CYRIA: variants seen among roughly 807,000 people sequenced by gnomAD.
CYRIA encodes CYFIP related Rac1 interactor A.
In CYRIA, 15 loss-of-function variants were observed where a neutral mutation model predicts 43.9. The observed-to-expected ratio is 0.34, with a 90% CI of 0.23 to 0.53. The LOEUF (loss-of-function observed/expected upper bound fraction) is 0.53, where lower values mean the gene tolerates loss of function less well. Among genes scored for constraint, CYRIA ranks in the 20% least tolerant of loss-of-function variants. The pLI is 0.94. For synonymous variants in CYRIA, 117 were observed against 136.0 expected (o/e 0.86, Z 0.97); for missense variants, 236 against 394.2 (o/e 0.60, Z 3.40).
chr2:16,636,318 G>A (rs1433406409), intron 1 of CYRIA, among the ~76,000 whole-genome samples: 2 of 152,176 alleles, frequency 1.3e-5, no homozygotes, highest in African/African-American at 4.8e-5. Context: ...AGGGCCCAGA[G>A]CTAATTCGAG....
chr2:16,644,190 G>A (rs1400711543), intron 1 of CYRIA, among the ~76,000 whole-genome samples: 1 of 152,238 alleles, frequency 6.6e-6, no homozygotes, highest in Non-Finnish European at 1.5e-5. Flanking sequence ...CTCCTGCAAT[G>A]ACACAGCTAG....
chr2:16,638,656 G>C (rs1669576817), intron 1 of CYRIA, among the ~76,000 whole-genome samples: 1 of 152,184 alleles, frequency 6.6e-6, no homozygotes, highest in African/African-American at 2.4e-5. Flanking sequence ...GGGCTGGGCG[G>C]ACCACAGAGG....
At chr2:16,638,155 C>T (rs1334262351) in intron 1 of CYRIA, among the ~76,000 whole-genome samples, 6 of 152,106 alleles carry the variant, frequency 3.9e-5, no homozygotes, top group African/African-American at 1.2e-4. Context: ...GACAGAGGAG[C>T]AGTAAGAAGG....
At chr2:16,632,689 G>A (rs892861301) in intron 1 of CYRIA, among the ~76,000 whole-genome samples, 3 of 152,174 alleles carry the variant, frequency 2.0e-5, no homozygotes, top group African/African-American at 7.2e-5. Flanking sequence ...GCGGGAGAGA[G>A]TCAGAGTCCA....
At chr2:16,634,056 T>G (rs74841009) in intron 1 of CYRIA, among the ~76,000 whole-genome samples, 1 of 152,124 alleles carries the variant, frequency 6.6e-6, no homozygotes, top group African/African-American at 2.4e-5. Context: ...TAGGAGCACA[T>G]GACACTGAGT....
chr2:16,563,479 C>G (rs948775363), intron 5 of CYRIA, among the ~76,000 whole-genome samples: 1 of 152,178 alleles, frequency 6.6e-6, no homozygotes, highest in Admixed American at 6.5e-5. Flanking sequence ...TGTCATATTG[C>G]TGGTCACATT....
intron 1 of CYRIA, among the ~76,000 whole-genome samples, chr2:16,655,676 G>A (rs901807785): frequency 1.3e-5 from 2 of 152,172 alleles, no homozygotes; most frequent in African/African-American, 4.8e-5. Flanking sequence ...GACAGCTGCA[G>A]CACAGCTTCT....
chr2:16,626,775 G>T (rs1421036545), intron 1 of CYRIA, among the ~76,000 whole-genome samples: 1 of 152,156 alleles, frequency 6.6e-6, no homozygotes, highest in Non-Finnish European at 1.5e-5. Flanking sequence ...GCATGCATTT[G>T]CTCCCATCCA....
At chr2:16,589,154 A>C (rs1318148632) in intron 2 of CYRIA, among the ~76,000 whole-genome samples, 3 of 152,130 alleles carry the variant, frequency 2.0e-5, no homozygotes, top group Non-Finnish European at 2.9e-5. Flanking sequence ...CTCTGCTGTA[A>C]GTGAACTCTT....
At chr2:16,578,068 G>A (rs1667413769) in intron 3 of CYRIA, among the ~76,000 whole-genome samples, 2 of 152,234 alleles carry the variant, frequency 1.3e-5, no homozygotes, top group South Asian at 2.1e-4. Flanking sequence ...TGAGAATCAG[G>A]TGTTCTGGAG....
intron 10 of CYRIA, among the ~76,000 whole-genome samples, chr2:16,555,978 CGTAATTTGGGAA>C (rs1666496443): frequency 6.6e-6 from 1 of 152,010 alleles, no homozygotes; most frequent in Non-Finnish European, 1.5e-5. Flanking sequence ...ATAGTTGACC[CGTAATTTGGGAA>C]GTGCATGGAA....
rs112783356 is a variant in CYRIA at position 16,558,789 on chromosome 2, C to T, written c.837+671G>A. Among the ~76,000 whole-genome samples the T allele has an allele frequency of 2.6e-5, 4 of 152,020 alleles. 1 individual carries two copies. The highest frequency in any genetic ancestry group is 7.2e-5 in the African/African-American group (3 of 41,404). On this transcript the variant is annotated intron_variant, in intron 10 of 11. Transcript: ENST00000381323. ...GAGGTATATAGATTATGGTCCCTGT[C>T]CTTGTCAAGAAATTGTCTGTGAGGG... is the stretch of plus-strand genomic sequence containing the variant.
At chr2:16,654,584 A>C (rs1670056037) in intron 1 of CYRIA, among the ~76,000 whole-genome samples, 1 of 152,240 alleles carries the variant, frequency 6.6e-6, no homozygotes, top group African/African-American at 2.4e-5. Context: ...GCCGACTTCA[A>C]CCAAATCCTG....
At chr2:16,561,410 G>A in intron 7 of CYRIA, 46 bp downstream of exon 7, 2 of 1,564,504 alleles carry the variant, frequency 1.3e-6, no homozygotes, top group South Asian at 1.1e-5. Context: ...GAAATCAAAA[G>A]AGTCATGGAG....
At chr2:16,599,504 T>C (rs1668123118) in intron 2 of CYRIA, among the ~76,000 whole-genome samples, 2 of 117,894 alleles carry the variant, frequency 1.7e-5, no homozygotes, top group African/African-American at 3.6e-5. Context: ...TCCAGGTGCG[T>C]CCGTCACCCC....
At chr2:16,652,613 G>C (rs1457054916) in intron 1 of CYRIA, among the ~76,000 whole-genome samples, 1 of 152,166 alleles carries the variant, frequency 6.6e-6, no homozygotes, top group Non-Finnish European at 1.5e-5. Flanking sequence ...GACTCCCCCT[G>C]CTACCCCCTG....
At chr2:16,618,688 G>A (rs968382345) in intron 2 of CYRIA, among the ~76,000 whole-genome samples, 13 of 152,178 alleles carry the variant, frequency 8.5e-5, no homozygotes, top group Non-Finnish European at 1.6e-4. Context: ...GTTTAGAGAT[G>A]ATTCTGTAAG....
intron 2 of CYRIA, among the ~76,000 whole-genome samples, chr2:16,607,411 C>CA (rs1668446210): frequency 6.6e-6 from 1 of 152,130 alleles, no homozygotes; most frequent in South Asian, 2.1e-4. Context: ...TTAGCATAAA[C>CA]GCCTGCTAAG....
intron 1 of CYRIA, among the ~76,000 whole-genome samples, chr2:16,656,167 A>C (rs947802381): frequency 6.6e-6 from 1 of 152,084 alleles, no homozygotes; most frequent in African/African-American, 2.4e-5. Flanking sequence ...ACACGCTTAC[A>C]CATACACCTG....
Sources: gnomAD v4.1 joint callset for allele counts (sites outside exome capture counted in the v4.1 genomes callset) on GRCh38, gnomAD v4.1.1 for gene constraint, MANE v1.5 for transcripts, NCBI Gene and HGNC (gene_info 2026-07-23, HGNC 2026-07-21) for gene names.